The following NUBPL variants were observed in gnomAD, a reference collection of about 807,000 sequenced individuals.
NUBPL encodes iron-sulfur cluster transfer protein NUBPL.
In NUBPL, 31 loss-of-function variants were observed where a neutral mutation model predicts 45.7. The observed-to-expected ratio is 0.68, with a 90% confidence interval of 0.51 to 0.92. The LOEUF is 0.92. NUBPL is among the 40% of genes least tolerant of loss of function. NUBPL has a pLI of 0.00. For synonymous variants in NUBPL, 144 were observed against 140.9 expected (o/e 1.02, Z -0.15); for missense variants, 401 against 398.7 (o/e 1.01, Z -0.05).
At chr14:31,820,199 A>G (rs1446499787) in intron 7 of NUBPL, among the ~76,000 whole-genome samples, 5 of 151,716 alleles carry the variant, frequency 3.3e-5, no homozygotes, top group Non-Finnish European at 7.4e-5. Context: ...GGGCTTCTTG[A>G]GATAGGCATT....
In NUBPL at chr14:31,832,933, C is replaced by A. The variant is rs111668343; in HGVS notation, c.693+6219C>A. On this transcript the variant is annotated intron_variant, in intron 8 of 10. Coordinates refer to ENST00000281081, the MANE Select transcript of NUBPL (RefSeq NM_025152.3). ...TAAATGGCTTAAGTACAGTTCCTGG[C>A]AGTCTAAGCACTCAATGTTTACATA... 9.5e-3 allele frequency among the ~76,000 whole-genome samples: 1,452 copies of A among 152,264 alleles called. 10 individuals carry two copies. Among genetic ancestry groups the A allele is most frequent in the Non-Finnish European group, 0.013 (885 of 68,022 alleles).
chr14:31,743,362 G>A (rs2038326495), intron 6 of NUBPL, among the ~76,000 whole-genome samples: 2 of 151,932 alleles, frequency 1.3e-5, no homozygotes, highest in African/African-American at 4.8e-5. Flanking sequence ...ATTCTCGGCT[G>A]GGCTCTTGTT....
At chr14:31,622,156 T>G (rs2035080100) in intron 4 of NUBPL, among the ~76,000 whole-genome samples, 1 of 152,130 alleles carries the variant, frequency 6.6e-6, no homozygotes, top group Non-Finnish European at 1.5e-5. Context: ...GTTGTGGAAC[T>G]TTGAACTTGA....
At chr14:31,757,434 G>A (rs1300936242) in intron 6 of NUBPL, among the ~76,000 whole-genome samples, 2 of 151,758 alleles carry the variant, frequency 1.3e-5, no homozygotes, top group South Asian at 2.1e-4. Context: ...TCTTGGGAGG[G>A]TGTATATGTT....
In NUBPL at chr14:31,787,794, A is replaced by G. The variant is rs745906241; in HGVS notation, c.528A>G (p.Gln176=). 35 of 1,611,250 alleles carry G rather than the reference A, an allele frequency of 2.2e-5. No individual in the cohort carries two copies. The highest frequency in any genetic ancestry group is 2.7e-5 in the Non-Finnish European group (32 of 1,177,520). ...EKLLRQVDWG[Q]LDYLVVDMPP... is the part of the protein sequence containing the mutation. Reference sequence around the variant, plus strand: ...CATCTTTTTAGGTAGATTGGGGTCAACTGGACTACTTAGTTGTAGACATGC... The same window carrying G: ...CATCTTTTTAGGTAGATTGGGGTCAGCTGGACTACTTAGTTGTAGACATGC... The change falls in exon 7 of 11, where the codon CAA becomes CAG. Residue 176 remains glutamine, a synonymous_variant. Transcript: ENST00000281081.
chr14:31,817,891 T>C (rs150357630), intron 7 of NUBPL, among the ~76,000 whole-genome samples: 5,193 of 151,926 alleles, frequency 0.034, 280 homozygotes, highest in African/African-American at 0.12. Context: ...TCAAGACCCA[T>C]CAGTATGCTG....
chr14:31,832,983 G>A (rs892379472), intron 8 of NUBPL, among the ~76,000 whole-genome samples: 2 of 152,052 alleles, frequency 1.3e-5, no homozygotes, highest in East Asian at 1.9e-4. Flanking sequence ...ATTTTTTCTT[G>A]TAATTACTTT....
intron 6 of NUBPL, among the ~76,000 whole-genome samples, chr14:31,683,631 G>A (rs748496351): frequency 3.7e-4 from 57 of 152,098 alleles, no homozygotes; most frequent in Non-Finnish European, 1.0e-4. Flanking sequence ...GATTACAGGC[G>A]TGAGCCACCG....
In NUBPL at chr14:31,755,780, A is replaced by G. The variant is rs973830705; in HGVS notation, c.514-32000A>G. 1.5e-4 allele frequency among the ~76,000 whole-genome samples: 23 copies of G among 151,752 alleles called. No homozygotes were observed. The East Asian group carries it at 2.5e-3, about 17-fold the overall frequency. On this transcript the variant is annotated intron_variant, in intron 6 of 10. Transcript: ENST00000281081. Reference sequence around the variant, plus strand: ...AGACATGAAGTCCTTGCCCATGCCTATGTCCTGAATGGTAATGCCTAGGTT... The same window carrying G: ...AGACATGAAGTCCTTGCCCATGCCTGTGTCCTGAATGGTAATGCCTAGGTT...
At chr14:31,710,715 A>G (rs1230870832) in intron 6 of NUBPL, among the ~76,000 whole-genome samples, 3 of 152,218 alleles carry the variant, frequency 2.0e-5, no homozygotes, top group African/African-American at 4.8e-5. Context: ...AGGGATCTCC[A>G]GGGTTGGAAG....
intron 4 of NUBPL, among the ~76,000 whole-genome samples, chr14:31,652,839 G>T (rs977620485): frequency 2.0e-5 from 3 of 152,028 alleles, no homozygotes; most frequent in South Asian, 4.2e-4. Flanking sequence ...TGTATCGGGG[G>T]AACTCACCCC....
chr14:31,622,148 T>C (rs759949829), intron 4 of NUBPL, among the ~76,000 whole-genome samples: 3 of 152,144 alleles, frequency 2.0e-5, no homozygotes, highest in Non-Finnish European at 4.4e-5. Flanking sequence ...CCTAGAGAGT[T>C]GTGGAACTTT....
chr14:31,712,591 T>G (rs2139928263), intron 6 of NUBPL, among the ~76,000 whole-genome samples: 1 of 152,312 alleles, frequency 6.6e-6, no homozygotes, highest in South Asian at 2.1e-4. Flanking sequence ...CACAGCACAG[T>G]GGCGGGCTGA....
intron 7 of NUBPL, among the ~76,000 whole-genome samples, chr14:31,805,399 G>A (rs2039666271): frequency 6.6e-6 from 1 of 152,204 alleles, no homozygotes; most frequent in Non-Finnish European, 1.5e-5. Context: ...ATTCAACCTA[G>A]CAGTCCCATT....
chr14:31,818,106 C>T (rs890700763), intron 7 of NUBPL, among the ~76,000 whole-genome samples: 1 of 152,152 alleles, frequency 6.6e-6, no homozygotes, highest in African/African-American at 2.4e-5. Context: ...ATCAATGCAA[C>T]AAGAAGAGCT....
intron 3 of NUBPL, among the ~76,000 whole-genome samples, chr14:31,598,174 T>C (rs573838554): frequency 1.3e-5 from 2 of 152,300 alleles, no homozygotes; most frequent in African/African-American, 4.8e-5. Flanking sequence ...TATATATATG[T>C]ATATTTAAAC....
chr14:31,638,461 G>A (rs2035576304), intron 4 of NUBPL, among the ~76,000 whole-genome samples: 1 of 151,884 alleles, frequency 6.6e-6, no homozygotes, highest in South Asian at 2.1e-4. Context: ...GAGATCCGCT[G>A]TTAGTCTGAT....
At chr14:31,740,279 A>C (rs570199685) in intron 6 of NUBPL, among the ~76,000 whole-genome samples, 2 of 152,266 alleles carry the variant, frequency 1.3e-5, no homozygotes, top group African/African-American at 4.8e-5. Flanking sequence ...GCAAGAAATG[A>C]GCGTTTCTTT....
At chr14:31,573,936 G>A (rs1271443162) in intron 3 of NUBPL, among the ~76,000 whole-genome samples, 1 of 152,062 alleles carries the variant, frequency 6.6e-6, no homozygotes, top group Non-Finnish European at 1.5e-5. Flanking sequence ...GAACATAGTA[G>A]GTTCTTGATA....
Sources: allele counts gnomAD v4.1 joint callset (sites outside exome capture counted in the v4.1 genomes callset), GRCh38; gene constraint gnomAD v4.1.1; transcripts MANE v1.5; gene names NCBI Gene and HGNC (gene_info 2026-07-23, HGNC 2026-07-21).